AGBL4: variants seen among roughly 807,000 people sequenced by gnomAD.
AGBL4 encodes the protein cytosolic carboxypeptidase 6.
Under a neutral mutation model 66.4 loss-of-function variants are expected in AGBL4, and 58 were observed. The ratio of observed to expected loss-of-function variants is 0.87; its 90% CI spans 0.71 to 1.09. AGBL4 has a LOEUF of 1.09. Ranked by LOEUF, AGBL4 falls within the 50% of genes least tolerant of loss-of-function variation. AGBL4 has a pLI of 0.00. For synonymous variants in AGBL4, 234 were observed against 222.9 expected (o/e 1.05, Z -0.44); for missense variants, 579 against 631.0 (o/e 0.92, Z 0.88).
intron 6 of AGBL4, among the ~76,000 whole-genome samples, chr1:48,672,208 A>G (rs1293843364): frequency 6.6e-6 from 1 of 152,224 alleles, no homozygotes; most frequent in African/African-American, 2.4e-5. Context: ...TGCTAGTCAC[A>G]ATAAGAGCCC....
intron 4 of AGBL4, among the ~76,000 whole-genome samples, chr1:49,087,903 T>C (rs1465701927): frequency 6.6e-6 from 1 of 152,106 alleles, no homozygotes; most frequent in African/African-American, 2.4e-5. Context: ...GCAAAAACCA[T>C]ACAAGCCAGA....
chr1:49,985,793 T>C (rs1009730490), intron 1 of AGBL4, among the ~76,000 whole-genome samples: 1 of 152,138 alleles, frequency 6.6e-6, no homozygotes, highest in African/African-American at 2.4e-5. Flanking sequence ...GGTGCAATTA[T>C]ACCATATTTT....
At chr1:49,937,358 C>T (rs1278401829) in intron 1 of AGBL4, among the ~76,000 whole-genome samples, 1 of 152,006 alleles carries the variant, frequency 6.6e-6, no homozygotes, top group African/African-American at 2.4e-5. Flanking sequence ...TAGAGACCTA[C>T]AAAGAGACTT....
chr1:49,803,187 T>G (rs1644903858), intron 2 of AGBL4, among the ~76,000 whole-genome samples: 1 of 152,120 alleles, frequency 6.6e-6, no homozygotes, highest in East Asian at 1.9e-4. Flanking sequence ...CTGCCTATGA[T>G]TTTTACTCAA....
At chr1:49,238,225 C>T (rs919491032) in intron 4 of AGBL4, among the ~76,000 whole-genome samples, 3 of 152,072 alleles carry the variant, frequency 2.0e-5, no homozygotes, top group Admixed American at 6.5e-5. Flanking sequence ...ATGTGTTTTG[C>T]AAAATTTGGG....
intron 4 of AGBL4, among the ~76,000 whole-genome samples, chr1:49,134,414 G>A (rs921641363): frequency 1.3e-5 from 2 of 151,806 alleles, no homozygotes; most frequent in Non-Finnish European, 2.9e-5. Flanking sequence ...AGACTAGGGC[G>A]TGTTTTCTCC....
At chr1:49,354,187 T>C (rs546642558) in intron 3 of AGBL4, among the ~76,000 whole-genome samples, 3 of 152,324 alleles carry the variant, frequency 2.0e-5, no homozygotes, top group Admixed American at 1.3e-4. Context: ...TGCCCATCTG[T>C]GGGCTCCCCA....
At chr1:48,635,972 A>G (rs1377616935) in intron 8 of AGBL4, among the ~76,000 whole-genome samples, 2 of 152,250 alleles carry the variant, frequency 1.3e-5, no homozygotes, top group East Asian at 1.9e-4. Flanking sequence ...ATAGTGTTAT[A>G]ACATGACATA....
intron 4 of AGBL4, among the ~76,000 whole-genome samples, chr1:49,099,874 G>A (rs1172805894): frequency 6.6e-6 from 1 of 152,120 alleles, no homozygotes; most frequent in Non-Finnish European, 1.5e-5. Context: ...TGGGGCTTTG[G>A]CTTCTTCTAT....
chr1:48,606,556 C>T (rs1197856797), intron 9 of AGBL4, among the ~76,000 whole-genome samples: 2 of 152,156 alleles, frequency 1.3e-5, no homozygotes, highest in African/African-American at 4.8e-5. Flanking sequence ...CACCTTCTTG[C>T]CTCTGTTCCT....
rs571726929 is a variant in AGBL4 at position 49,353,136 on chromosome 1, T to C, written c.283-107272A>G. ...CATAGAGGTATGTCAAAACCACCTT[T>C]GACCTGTAAGGTCTGGGTTTTAGTC... On this transcript the variant is annotated intron_variant, in intron 3 of 13. Coordinates refer to ENST00000371839, the MANE Select transcript of AGBL4 (RefSeq NM_032785.4). Among the ~76,000 whole-genome samples, 208 of 152,338 alleles carry C rather than the reference T, an allele frequency of 1.4e-3. 1 individual carries two copies. Among genetic ancestry groups the C allele is most frequent in the African/African-American group, 4.7e-3 (195 of 41,582 alleles).
rs1043011988 is a variant in AGBL4 at position 49,429,105 on chromosome 1, T to A, written c.283-183241A>T. ...TCCAGTGAAAATCTTTCCAATAGTG[T>A]TCTATAGCAATTCTGTGGATTCTTT... On this transcript the variant is annotated intron_variant, in intron 3 of 13. Coordinates refer to ENST00000371839, the MANE Select transcript of AGBL4 (RefSeq NM_032785.4). Among the ~76,000 whole-genome samples the A allele has an allele frequency of 5.3e-5, 8 of 152,324 alleles. 1 individual carries two copies. Among genetic ancestry groups the A allele is most frequent in the South Asian group, 4.1e-4 (2 of 4,826 alleles).
intron 2 of AGBL4, among the ~76,000 whole-genome samples, chr1:49,729,846 T>C (rs1649298856): frequency 6.6e-6 from 1 of 152,166 alleles, no homozygotes; most frequent in African/African-American, 2.4e-5. Context: ...GACCCATCCC[T>C]GTCCTAGGCA....
chr1:49,618,629 C>T (rs1432345431), intron 3 of AGBL4, among the ~76,000 whole-genome samples: 1 of 152,154 alleles, frequency 6.6e-6, no homozygotes, highest in African/African-American at 2.4e-5. Flanking sequence ...AGGCCAGCAT[C>T]ATCCTGATAC....
At chr1:49,728,640 G>C (rs1427681205) in intron 2 of AGBL4, among the ~76,000 whole-genome samples, 3 of 152,120 alleles carry the variant, frequency 2.0e-5, no homozygotes, top group African/African-American at 7.2e-5. Context: ...AGGAATATGG[G>C]GCTGAGAAGG....
At chr1:49,971,436 T>C (rs959747939) in intron 1 of AGBL4, among the ~76,000 whole-genome samples, 3 of 152,180 alleles carry the variant, frequency 2.0e-5, no homozygotes, top group Admixed American at 2.0e-4. Context: ...ATGCTGGTAA[T>C]TCAGATAAAA....
chr1:49,183,088 A>C (rs1646956765), intron 4 of AGBL4, among the ~76,000 whole-genome samples: 3 of 152,124 alleles, frequency 2.0e-5, no homozygotes, highest in African/African-American at 7.2e-5. Flanking sequence ...AAATCTAATC[A>C]AATGTAGTGA....
At chr1:49,051,967 A>G (rs1401465357) in intron 4 of AGBL4, among the ~76,000 whole-genome samples, 1 of 152,126 alleles carries the variant, frequency 6.6e-6, no homozygotes, top group South Asian at 2.1e-4. Flanking sequence ...ACAGTGCTAC[A>G]TATTGCCAGC....
chr1:49,909,339 G>A (rs1399982931), intron 1 of AGBL4, among the ~76,000 whole-genome samples: 1 of 152,092 alleles, frequency 6.6e-6, no homozygotes, highest in African/African-American at 2.4e-5. Context: ...AGGAGATAGA[G>A]GGTTAGAAAT....
Sources: gnomAD v4.1 joint callset for allele counts (sites outside exome capture counted in the v4.1 genomes callset) on GRCh38, gnomAD v4.1.1 for gene constraint, MANE v1.5 for transcripts, NCBI Gene and HGNC (gene_info 2026-07-23, HGNC 2026-07-21) for gene names.